EYA1: variants seen among roughly 807,000 people sequenced by gnomAD.
The protein encoded by EYA1 is protein phosphatase EYA1.
In EYA1, 16 loss-of-function variants were observed where a neutral mutation model predicts 82.0. That is an observed-to-expected ratio of 0.20 (90% CI 0.13 to 0.30). EYA1 has a LOEUF of 0.30. EYA1 is among the 10% of genes least tolerant of loss of function. The pLI is 1.00. For missense variants in EYA1, 633 were observed against 730.7 expected, an observed-to-expected ratio of 0.87 and a Z score of 1.54; for synonymous variants, 261 against 264.4, an observed-to-expected ratio of 0.99 and a Z score of 0.12.
chr8:71,284,345 A>T (rs1453283011), intron 9 of EYA1, among the ~76,000 whole-genome samples: 1 of 152,212 alleles, frequency 6.6e-6, no homozygotes, highest in Non-Finnish European at 1.5e-5. Flanking sequence ...ACATCTGCAT[A>T]TCCTCTCTAA....
At chr8:71,463,439 G>T (rs1808517330) in intron 2 of EYA1, among the ~76,000 whole-genome samples, 1 of 152,184 alleles carries the variant, frequency 6.6e-6, no homozygotes, top group African/African-American at 2.4e-5. Context: ...AAATGCTGAA[G>T]AAAGCTTCAT....
At chr8:71,276,998 C>T (rs755607775) in intron 9 of EYA1, among the ~76,000 whole-genome samples, 19 of 151,912 alleles carry the variant, frequency 1.3e-4, no homozygotes, top group African/African-American at 2.2e-4. Context: ...GTGTTGTCAC[C>T]GAGTCATCCT....
At chr8:71,366,781 T>C (rs1417503921), upstream of EYA1, among the ~76,000 whole-genome samples, 2 of 152,174 alleles carry the variant, frequency 1.3e-5, no homozygotes, top group Non-Finnish European at 2.9e-5. Flanking sequence ...CTCATTTTTC[T>C]AGCACCATCA....
chr8:71,294,286 C>T (rs999069586), intron 9 of EYA1, among the ~76,000 whole-genome samples: 3 of 151,954 alleles, frequency 2.0e-5, no homozygotes, highest in Non-Finnish European at 4.4e-5. Flanking sequence ...AGTGAAACCC[C>T]GTCTCTACTA....
intron 2 of EYA1, among the ~76,000 whole-genome samples, chr8:71,503,288 G>A (rs1196707851): frequency 6.6e-6 from 1 of 151,926 alleles, no homozygotes; most frequent in African/African-American, 2.4e-5. Context: ...GAGGTCAAGG[G>A]TTCGAGAAAC....
intron 9 of EYA1, 56 bp downstream of exon 9, chr8:71,298,991 T>C: frequency 6.4e-7 from 1 of 1,556,516 alleles, no homozygotes; most frequent in Non-Finnish European, 8.9e-7. Flanking sequence ...TGTAGAAAAA[T>C]GCATTGAAAC....
chr8:71,338,920 A>G (rs908881909), intron 3 of EYA1, among the ~76,000 whole-genome samples: 1 of 152,054 alleles, frequency 6.6e-6, no homozygotes. Context: ...CACAAACTCA[A>G]TCTTCCTTTT....
intron 2 of EYA1, among the ~76,000 whole-genome samples, chr8:71,512,645 G>A: frequency 6.7e-6 from 1 of 149,702 alleles, no homozygotes; most frequent in African/African-American, 2.5e-5. Flanking sequence ...ATGAGGGACA[G>A]ATTTTAAAAA....
At chr8:71,534,406 A>C (rs1312457651) in intron 2 of EYA1, among the ~76,000 whole-genome samples, 4 of 152,264 alleles carry the variant, frequency 2.6e-5, no homozygotes, top group Non-Finnish European at 5.9e-5. Flanking sequence ...TTATCTCACA[A>C]GTTGACTTAG....
chr8:71,354,988 C>A, intron 2 of EYA1, 79 bp from the exon 3 acceptor site: 1 of 1,378,844 alleles, frequency 7.3e-7, no homozygotes, highest in Admixed American at 1.7e-5. Flanking sequence ...GACTTGACAC[C>A]TTTGAAACAC....
chr8:71,424,096 A>G (rs1831290750), intron 2 of EYA1, among the ~76,000 whole-genome samples: 1 of 152,232 alleles, frequency 6.6e-6, no homozygotes, highest in Non-Finnish European at 1.5e-5. Context: ...GTTGGATGAA[A>G]TTACCTAAAA....
chr8:71,272,947 G>A (rs1425618320), intron 9 of EYA1, among the ~76,000 whole-genome samples: 2 of 152,198 alleles, frequency 1.3e-5, no homozygotes, highest in Non-Finnish European at 2.9e-5. Flanking sequence ...GAGAACAACT[G>A]AAGGCTTGGT....
intron 1 of EYA1, among the ~76,000 whole-genome samples, chr8:71,358,104 A>G (rs539513060): frequency 2.7e-4 from 41 of 152,296 alleles, no homozygotes; most frequent in African/African-American, 9.6e-4. Flanking sequence ...ATGTTAAAAT[A>G]CATTTCCATT....
intron 3 of EYA1, among the ~76,000 whole-genome samples, chr8:71,339,557 G>A (rs558834312): frequency 6.7e-6 from 1 of 149,912 alleles, no homozygotes; most frequent in East Asian, 2.0e-4. Context: ...CACCATCTTT[G>A]GCCCTTCCAC....
chr8:71,418,914 C>T (rs1830999776), intron 2 of EYA1, among the ~76,000 whole-genome samples: 1 of 152,084 alleles, frequency 6.6e-6, no homozygotes, highest in Non-Finnish European at 1.5e-5. Flanking sequence ...AAGTAGGCTA[C>T]AGAGATATCT....
intron 3 of EYA1, among the ~76,000 whole-genome samples, chr8:71,345,030 T>C (rs1225169490): frequency 6.6e-6 from 1 of 152,234 alleles, no homozygotes; most frequent in Non-Finnish European, 1.5e-5. Flanking sequence ...GTGCTTGATA[T>C]GCAGGATCCC....
intron 2 of EYA1, among the ~76,000 whole-genome samples, chr8:71,488,834 G>A (rs1810774058): frequency 6.6e-6 from 1 of 152,190 alleles, no homozygotes; most frequent in Non-Finnish European, 1.5e-5. Flanking sequence ...TCTTGGGATA[G>A]TCTAAATTTT....
intron 2 of EYA1, among the ~76,000 whole-genome samples, chr8:71,408,479 T>C (rs1830401688): frequency 9.3e-6 from 1 of 107,898 alleles, no homozygotes; most frequent in Non-Finnish European, 1.9e-5. Flanking sequence ...AGGAAACCCA[T>C]CTCACGTGCA....
At chr8:71,468,541 G>C (rs1808940809) in intron 2 of EYA1, among the ~76,000 whole-genome samples, 1 of 152,074 alleles carries the variant, frequency 6.6e-6, no homozygotes, top group African/African-American at 2.4e-5. Flanking sequence ...TGCATTTGTG[G>C]ATATACACAG....
Sources: gnomAD v4.1 joint callset for allele counts (sites outside exome capture counted in the v4.1 genomes callset) on GRCh38, gnomAD v4.1.1 for gene constraint, MANE v1.5 for transcripts, NCBI Gene and HGNC (gene_info 2026-07-23, HGNC 2026-07-21) for gene names.